Variants in CFAP96 observed in about 807,000 individuals in gnomAD.
The protein encoded by CFAP96 is cilia and flagella associated protein 96.
chr4:185,427,770 G>T, the CFAP96 span, among the ~76,000 whole-genome samples: 2 of 145,548 alleles, frequency 1.4e-5, no homozygotes, highest in South Asian at 2.3e-4. Context: ...AATAAGCAAA[G>T]AAATAAATAA....
chr4:185,449,003 A>T, the CFAP96 span, among the ~76,000 whole-genome samples: 1 of 152,258 alleles, frequency 6.6e-6, no homozygotes, highest in African/African-American at 2.4e-5. Flanking sequence ...ATCCTGAATC[A>T]AGTTCTAGCT....
chr4:185,417,479 A>G, the CFAP96 span, among the ~76,000 whole-genome samples: 1 of 152,204 alleles, frequency 6.6e-6, no homozygotes, highest in Non-Finnish European at 1.5e-5. Flanking sequence ...TTAGTTTCCA[A>G]GCAGAATCCA....
At chr4:185,445,473 A>AG in the CFAP96 span, 1 of 1,511,612 alleles carries the variant, frequency 6.6e-7, no homozygotes, top group Non-Finnish European at 9.1e-7. Flanking sequence ...TATTTCTCGA[A>AG]GGGAGTTTCT....
At chr4:185,422,580 T>C in the CFAP96 span, 1 of 1,554,338 alleles carries the variant, frequency 6.4e-7, no homozygotes, top group Non-Finnish European at 8.7e-7. Context: ...CAAATAAAGA[T>C]AAAGACAAAC....
the CFAP96 span, among the ~76,000 whole-genome samples, chr4:185,424,433 G>A: frequency 6.6e-6 from 1 of 152,156 alleles, no homozygotes; most frequent in Admixed American, 6.5e-5. Flanking sequence ...CAAATCCTTT[G>A]TCACATTTCT....
At chr4:185,433,527 T>C in the CFAP96 span, among the ~76,000 whole-genome samples, 10 of 143,722 alleles carry the variant, frequency 7.0e-5, no homozygotes, top group African/African-American at 2.5e-4. Flanking sequence ...TTTTTGATAC[T>C]AGTAAAACTA....
At chr4:185,415,081 G>A in the CFAP96 span, 1 of 1,259,252 alleles carries the variant, frequency 7.9e-7, no homozygotes, top group Non-Finnish European at 1.1e-6. Flanking sequence ...TCCATTTAGT[G>A]GAAATATATA....
At chr4:185,421,569 T>C in the CFAP96 span, among the ~76,000 whole-genome samples, 1 of 152,162 alleles carries the variant, frequency 6.6e-6, no homozygotes, top group Non-Finnish European at 1.5e-5. Context: ...GCCCCCTCCT[T>C]TGCCTTCCAC....
the CFAP96 span, among the ~76,000 whole-genome samples, chr4:185,420,500 A>T: frequency 6.6e-6 from 1 of 151,552 alleles, no homozygotes; most frequent in Non-Finnish European, 1.5e-5. Flanking sequence ...AAGAGTATTT[A>T]AAAAATAAAT....
At chr4:185,432,515 TG>T in the CFAP96 span, among the ~76,000 whole-genome samples, 1 of 152,160 alleles carries the variant, frequency 6.6e-6, no homozygotes, top group African/African-American at 2.4e-5. Context: ...AAAATTGCCT[TG>T]AATTATCATG....
chr4:185,412,726 C>A, the CFAP96 span, among the ~76,000 whole-genome samples: 2 of 152,146 alleles, frequency 1.3e-5, no homozygotes, highest in African/African-American at 2.4e-5. Context: ...CACAAGCATA[C>A]ACAGAAAGCA....
the CFAP96 span, among the ~76,000 whole-genome samples, chr4:185,427,890 A>T: frequency 1.3e-5 from 2 of 150,114 alleles, 1 homozygote; most frequent in Non-Finnish European, 3.0e-5. Flanking sequence ...GTTCAAGACC[A>T]GCCTGGCCAA....
chr4:185,441,209 T>A, the CFAP96 span, among the ~76,000 whole-genome samples: 1 of 152,178 alleles, frequency 6.6e-6, no homozygotes, highest in Non-Finnish European at 1.5e-5. Flanking sequence ...GTTTTTGAAA[T>A]GGTAATTAAA....
the CFAP96 span, among the ~76,000 whole-genome samples, chr4:185,428,057 T>C: frequency 6.8e-6 from 1 of 147,632 alleles, no homozygotes; most frequent in Non-Finnish European, 1.5e-5. Flanking sequence ...TTGCACTCCA[T>C]CCTGGGCTAC....
At chr4:185,411,663 G>A in the CFAP96 span, among the ~76,000 whole-genome samples, 1 of 152,156 alleles carries the variant, frequency 6.6e-6, no homozygotes, top group East Asian at 1.9e-4. Flanking sequence ...AAATGGTTCA[G>A]AGGGGGAAAA....
chr4:185,423,843 AG>A, the CFAP96 span, among the ~76,000 whole-genome samples: 1 of 152,166 alleles, frequency 6.6e-6, no homozygotes, highest in African/African-American at 2.4e-5. Context: ...AGAAAGAGAC[AG>A]GAAGGGAGAA....
chr4:185,415,951 T>C, the CFAP96 span: 1 of 1,191,792 alleles, frequency 8.4e-7, no homozygotes, highest in Non-Finnish European at 1.1e-6. Context: ...TTCAAAAATG[T>C]ATTTATTATT....
the CFAP96 span, chr4:185,440,526 T>C: frequency 6.8e-7 from 1 of 1,477,134 alleles, no homozygotes; most frequent in South Asian, 1.4e-5. Context: ...AATTTCAAAC[T>C]CTTTAATTCA....
chr4:185,443,342 A>ATATATATATTTTTTTTTTTTT, the CFAP96 span, among the ~76,000 whole-genome samples: 3 of 26,730 alleles, frequency 1.1e-4, no homozygotes, highest in African/African-American at 1.2e-4. Flanking sequence ...ATATATATAT[A>ATATATATATTTTTTTTTTTTT]TTTTTTTTTT....
Sources: gnomAD v4.1 joint callset for allele counts (sites outside exome capture counted in the v4.1 genomes callset) on GRCh38, gnomAD v4.1.1 for gene constraint, MANE v1.5 for transcripts, NCBI Gene and HGNC (gene_info 2026-07-23, HGNC 2026-07-21) for gene names.